LIN54: variants seen among roughly 807,000 people sequenced by gnomAD.
LIN54 encodes protein lin-54 homolog.
A neutral mutation model predicts 78.7 loss-of-function variants in LIN54; 9 were observed. The observed-to-expected ratio is 0.11, with a 90% CI of 0.07 to 0.20. The LOEUF (loss-of-function observed/expected upper bound fraction) is 0.20. Among genes scored for constraint, LIN54 ranks in the 10% least tolerant of loss-of-function variants. LIN54 has a pLI of 1.00. For synonymous variants in LIN54, 269 were observed against 318.4 expected, an observed-to-expected ratio of 0.84 and a Z score of 1.65; for missense variants, 573 against 889.9, an observed-to-expected ratio of 0.64 and a Z score of 4.53.
intron 4 of LIN54, among the ~76,000 whole-genome samples, chr4:82,946,829 A>T (rs1269702496): frequency 6.6e-6 from 1 of 152,194 alleles, no homozygotes; most frequent in Non-Finnish European, 1.5e-5. Flanking sequence ...TAAGCCCCAT[A>T]TTCAATATAG....
intron 4 of LIN54, among the ~76,000 whole-genome samples, chr4:82,965,288 AAATAT>A (rs1347175210): frequency 2.0e-5 from 3 of 152,360 alleles, no homozygotes; most frequent in South Asian, 2.1e-4. Flanking sequence ...TTTAGAAAAT[AAATAT>A]AATAGAATAA....
At chr4:82,935,843 C>A in intron 11 of LIN54, 138 bp downstream of exon 11, 37 of 809,738 alleles carry the variant, frequency 4.6e-5, no homozygotes, top group Admixed American at 1.1e-4. Flanking sequence ...CTTCCTAAAA[C>A]AAGGGCCTTT....
intron 3 of LIN54, among the ~76,000 whole-genome samples, chr4:82,973,492 T>G (rs975037012): frequency 5.9e-5 from 9 of 152,206 alleles, no homozygotes; most frequent in Non-Finnish European, 1.2e-4. Context: ...AATTTGACCT[T>G]GAAATTAATT....
Position 82,994,847 on chromosome 4 carries a change from C to T in LIN54, c.-32-9971G>A, listed in dbSNP as rs1352914763. On this transcript the variant is annotated intron_variant, in intron 1 of 12. Coordinates refer to ENST00000340417, the MANE Select transcript of LIN54 (RefSeq NM_194282.4). ...CCAAATATGGTGGTGGATTTGTTTA[C>T]GTCTCCCCTTCTGCACATTTTTGCT... Among the ~76,000 whole-genome samples the T allele has an allele frequency of 2.0e-5, 3 of 152,004 alleles. No individual in the cohort carries two copies. The East Asian group carries it at 5.8e-4, about 29-fold the overall frequency.
At chr4:82,952,808 A>G (rs1161895694) in intron 4 of LIN54, among the ~76,000 whole-genome samples, 1 of 152,200 alleles carries the variant, frequency 6.6e-6, no homozygotes, top group African/African-American at 2.4e-5. Flanking sequence ...TCTGATGTAT[A>G]TGCTATAACA....
chr4:82,943,343 C>G (rs915044475), intron 5 of LIN54, among the ~76,000 whole-genome samples: 1 of 151,930 alleles, frequency 6.6e-6, no homozygotes, highest in African/African-American at 2.4e-5. Context: ...ACTATTCTGC[C>G]TACCACTGTA....
chr4:82,955,317 T>C (rs1427153554), intron 4 of LIN54, among the ~76,000 whole-genome samples: 1 of 151,906 alleles, frequency 6.6e-6, no homozygotes, highest in African/African-American at 2.4e-5. Flanking sequence ...TGAGTCGAGA[T>C]TGCGCCACTG....
At chr4:82,949,769 A>ATAGGC (rs1011811315) in intron 4 of LIN54, among the ~76,000 whole-genome samples, 1 of 151,824 alleles carries the variant, frequency 6.6e-6, no homozygotes, top group African/African-American at 2.4e-5. Flanking sequence ...TCCTCAATCC[A>ATAGGC]TAGGCTGCCT....
intron 4 of LIN54, among the ~76,000 whole-genome samples, chr4:82,955,099 C>T (rs146222374): frequency 5.6e-4 from 85 of 152,244 alleles, no homozygotes; most frequent in African/African-American, 1.8e-3. Flanking sequence ...AGGCCGGGTA[C>T]GGTGGCTCAC....
At chr4:83,002,761 T>C (rs1728980485) in intron 1 of LIN54, among the ~76,000 whole-genome samples, 1 of 152,232 alleles carries the variant, frequency 6.6e-6, no homozygotes, top group South Asian at 2.1e-4. Flanking sequence ...GCATACTTTA[T>C]TGTAAGAATA....
intron 1 of LIN54, among the ~76,000 whole-genome samples, chr4:83,000,824 A>ATTTTTTTTTTTTTT (rs1553959263): frequency 9.3e-4 from 3 of 3,220 alleles, no homozygotes; most frequent in African/African-American, 1.8e-3. Context: ...AAAGCAATAA[A>ATTTTTTTTTTTTTT]TTCTTTTTTT....
At chr4:82,957,564 G>A (rs1560744147) in intron 4 of LIN54, among the ~76,000 whole-genome samples, 4 of 152,048 alleles carry the variant, frequency 2.6e-5, no homozygotes. Flanking sequence ...TCCAATCAGA[G>A]TAGTGATCTT....
chr4:82,970,190 C>T, intron 4 of LIN54, 137 bp downstream of exon 4: 1 of 754,590 alleles, frequency 1.3e-6, no homozygotes, highest in South Asian at 2.0e-5. Context: ...TCCTTGATTA[C>T]TAAATTAATC....
chr4:82,989,067 A>G (rs1222369452), intron 1 of LIN54, among the ~76,000 whole-genome samples: 1 of 152,038 alleles, frequency 6.6e-6, no homozygotes, highest in Non-Finnish European at 1.5e-5. Flanking sequence ...GGGTGCCTGT[A>G]GTCCCAGCTA....
chr4:82,989,523 C>T (rs949058554), intron 1 of LIN54, among the ~76,000 whole-genome samples: 6 of 152,184 alleles, frequency 3.9e-5, no homozygotes, highest in African/African-American at 1.4e-4. Flanking sequence ...CTACCCCCAA[C>T]GAATGATGAT....
chr4:82,931,520 A>G (rs950447933), intron 11 of LIN54, among the ~76,000 whole-genome samples: 2 of 151,728 alleles, frequency 1.3e-5, no homozygotes, highest in African/African-American at 2.4e-5. Flanking sequence ...CATATAGATG[A>G]CCTCCCATTT....
At chr4:82,953,756 C>A (rs1352460778) in intron 4 of LIN54, among the ~76,000 whole-genome samples, 3 of 152,156 alleles carry the variant, frequency 2.0e-5, no homozygotes, top group Non-Finnish European at 2.9e-5. Flanking sequence ...TCAAGACCAG[C>A]ATGGGCAACA....
intron 12 of LIN54, 39 bp from the exon 13 acceptor site, chr4:82,928,342 TA>T: frequency 1.3e-6 from 2 of 1,489,566 alleles, no homozygotes; most frequent in Non-Finnish European, 1.9e-6. Context: ...ATGGTGGTGT[TA>T]AATAACAACA....
At chr4:82,929,666 C>T (rs1351360537) in intron 12 of LIN54, among the ~76,000 whole-genome samples, 3 of 151,682 alleles carry the variant, frequency 2.0e-5, no homozygotes, top group East Asian at 2.0e-4. Flanking sequence ...TTTAGCTGGG[C>T]GTCGTGGTGT....
Sources: gnomAD v4.1 joint callset for allele counts (sites outside exome capture counted in the v4.1 genomes callset) on GRCh38, gnomAD v4.1.1 for gene constraint, MANE v1.5 for transcripts, NCBI Gene and HGNC (gene_info 2026-07-23, HGNC 2026-07-21) for gene names.